The following SOCS5 variants were observed in gnomAD, a reference collection of about 807,000 sequenced individuals.
The protein encoded by SOCS5 is CIS-6.
A neutral mutation model predicts 42.8 loss-of-function variants in SOCS5; 32 were observed. The ratio of observed to expected loss-of-function variants is 0.75; its 90% CI spans 0.56 to 1.01. SOCS5 has a LOEUF of 1.01. SOCS5 is among the 50% of genes least tolerant of loss of function. The pLI, the probability that SOCS5 is intolerant of heterozygous loss-of-function variation, is 0.00. For synonymous variants in SOCS5, 283 were observed against 229.6 expected (o/e 1.23, Z -2.10); for missense variants, 627 against 653.0 (o/e 0.96, Z 0.43).
In SOCS5 at chr2:46,733,581, G is replaced by GA. The variant is rs78296105; in HGVS notation, c.-12-24923dup. ...GAGACCCTGTCTCAAAAAAAAAAAA[G>GA]AAAAAAAAAAAAAAAGGAATAACCA... On this transcript the variant is annotated intron_variant, in intron 1 of 1. Coordinates refer to ENST00000394861, the MANE Select transcript of SOCS5 (RefSeq NM_144949.3). 2.5e-3 allele frequency among the ~76,000 whole-genome samples: 234 copies of GA among 91,970 alleles called. 2 individuals carry two copies. Among genetic ancestry groups the GA allele is most frequent in the South Asian group, 0.02 (55 of 2,730 alleles). 60.3% of individuals were successfully genotyped at this position (91,970 alleles called of 152,430 possible).
At position 46,759,751 on chromosome 2, in the gene SOCS5, C is replaced by G. The variant is rs780141777; in HGVS notation, c.1221C>G (p.Asp407Glu). 1.2e-6 allele frequency: 2 copies of G among 1,614,154 alleles called. No homozygotes were observed. Among genetic ancestry groups the G allele is most frequent in the Admixed American group, 3.3e-5 (2 of 60,022 alleles). Residue 407 changes from aspartate (D) to glutamate (E), a missense_variant, in exon 2 of 2, where the codon GAC becomes GAG. Transcript: ENST00000394861. Reference protein sequence around the residue: ...GKPEGTFLLRDSAQEDYLFSV... With the variant: ...GKPEGTFLLRESAQEDYLFSV... ...CTGAAGGCACGTTTTTGCTCAGGGACTCTGCGCAAGAGGACTACCTCTTCT... is the reference window on the plus strand; with the variant it reads ...CTGAAGGCACGTTTTTGCTCAGGGAGTCTGCGCAAGAGGACTACCTCTTCT...
chr2:46,758,480 G>T, intron 1 of SOCS5, 39 bp from the exon 2 acceptor site: 1 of 1,416,802 alleles, frequency 7.1e-7, no homozygotes, highest in South Asian at 1.4e-5. Context: ...ATGCTACTTT[G>T]ATTAATTTAT....
chr2:46,712,947 G>A (rs1057075495), intron 1 of SOCS5, among the ~76,000 whole-genome samples: 53 of 152,136 alleles, frequency 3.5e-4, no homozygotes, highest in African/African-American at 1.2e-3. Context: ...TTGTGGAAGA[G>A]TTTGGATAAA....
chr2:46,742,344 AC>A (rs1010653835), intron 1 of SOCS5, among the ~76,000 whole-genome samples: 4 of 69,252 alleles, frequency 5.8e-5, no homozygotes, highest in Non-Finnish European at 1.2e-4. Flanking sequence ...CCATACCCCC[AC>A]CCCCACCCCC....
At chr2:46,752,379 C>T (rs1673642584) in intron 1 of SOCS5, among the ~76,000 whole-genome samples, 1 of 151,988 alleles carries the variant, frequency 6.6e-6, no homozygotes, top group Admixed American at 6.6e-5. Flanking sequence ...GTCCCTGGTG[C>T]CAAAAAGGTT....
chr2:46,722,343 T>G (rs1214957273), intron 1 of SOCS5, among the ~76,000 whole-genome samples: 1 of 152,008 alleles, frequency 6.6e-6, no homozygotes, highest in Non-Finnish European at 1.5e-5. Flanking sequence ...GAAAAAAATC[T>G]GTCAACCACG....
chr2:46,760,314 T>C lies in SOCS5; in HGVS notation c.*173T>C, dbSNP rs547615073. 6.6e-6 allele frequency: 4 copies of C among 604,102 alleles called. No individual in the cohort carries two copies. The highest frequency in any genetic ancestry group is 1.2e-5 in the Non-Finnish European group (4 of 334,708). 37.4% of individuals were successfully genotyped at this position (604,102 alleles called of 1,614,324 possible). A position where few individuals can be genotyped will look rare whatever the true frequency, so the allele number is the denominator to read the frequency against. On this transcript the variant is annotated 3_prime_UTR_variant, in exon 2 of 2. Transcript: ENST00000394861. The stretch of plus-strand genomic sequence containing the variant: ...CTTATTCAGATAAACATGGTGCCTA[T>C]TGGAACAATAGCGGATAGAGCTACA...
chr2:46,724,708 A>G (rs1375637062), intron 1 of SOCS5, among the ~76,000 whole-genome samples: 1 of 151,910 alleles, frequency 6.6e-6, no homozygotes, highest in Non-Finnish European at 1.5e-5. Context: ...ATTTAGGTTC[A>G]TTATGGTCAA....
intron 1 of SOCS5, among the ~76,000 whole-genome samples, chr2:46,753,312 A>G (rs543160052): frequency 6.6e-6 from 1 of 152,262 alleles, no homozygotes; most frequent in South Asian, 2.1e-4. Context: ...TGTTATCTTT[A>G]GGACTTTGTT....
chr2:46,737,886 C>G (rs1489572031), intron 1 of SOCS5, among the ~76,000 whole-genome samples: 3 of 151,868 alleles, frequency 2.0e-5, no homozygotes, highest in Admixed American at 2.0e-4. Flanking sequence ...ATGTAAATTT[C>G]CATCCCTCTC....
chr2:46,700,739 A>G (rs746615329), intron 1 of SOCS5, among the ~76,000 whole-genome samples: 14 of 152,206 alleles, frequency 9.2e-5, no homozygotes, highest in Non-Finnish European at 1.6e-4. Context: ...TCTTGAGAAC[A>G]TAGAAAATGC....
chr2:46,733,180 C>A (rs189758915), intron 1 of SOCS5, among the ~76,000 whole-genome samples: 1 of 151,994 alleles, frequency 6.6e-6, no homozygotes, highest in East Asian at 1.9e-4. Context: ...CTGCCATCTC[C>A]GCCTCCCGGG....
At chr2:46,709,000 C>T (rs890470006) in intron 1 of SOCS5, among the ~76,000 whole-genome samples, 2 of 150,952 alleles carry the variant, frequency 1.3e-5, no homozygotes, top group Non-Finnish European at 2.9e-5. Context: ...GATTCTCCTG[C>T]CTCAGCCTCC....
rs1376831548 is a variant in SOCS5 at position 46,760,186 on chromosome 2, G to A, written c.*45G>A. On this transcript the variant is annotated 3_prime_UTR_variant, in exon 2 of 2. Coordinates refer to ENST00000394861, the MANE Select transcript of SOCS5 (RefSeq NM_144949.3). ...TTGTTAACTAGGTCCGCTTTCATGT[G>A]CATCAGACAGTACACCTATAGCAAG... 4 of 1,401,588 alleles carry A rather than the reference G, an allele frequency of 2.9e-6. No homozygotes were observed. Among genetic ancestry groups the A allele is most frequent in the African/African-American group, 1.4e-5 (1 of 69,820 alleles). 86.8% of individuals were successfully genotyped at this position (1,401,588 alleles called of 1,614,324 possible). A position where few individuals can be genotyped will look rare whatever the true frequency, so the allele number is the denominator to read the frequency against.
At chr2:46,756,943 C>T (rs555338085) in intron 1 of SOCS5, among the ~76,000 whole-genome samples, 1 of 152,210 alleles carries the variant, frequency 6.6e-6, no homozygotes, top group Non-Finnish European at 1.5e-5. Flanking sequence ...CTAAAATAGA[C>T]TTTACTGAGA....
At chr2:46,703,856 G>A (rs1367329551) in intron 1 of SOCS5, among the ~76,000 whole-genome samples, 2 of 152,152 alleles carry the variant, frequency 1.3e-5, no homozygotes, top group Non-Finnish European at 2.9e-5. Flanking sequence ...GGGGAGTGGG[G>A]AGGGCTTTTG....
rs1272697261 is a variant in SOCS5, at chr2:46,762,018, ATTT to A, written c.*1878_*1880del. On this transcript the variant is annotated 3_prime_UTR_variant, in exon 2 of 2. Transcript: ENST00000394861. ...TGTGAATTTGTAATAGATCAGTACC[ATTT>A]ATTGGTTTGGGGACCATCTTAATTA... The A allele has an allele frequency of 6.0e-6, 1 of 167,038 alleles. No homozygotes were observed. Among genetic ancestry groups the A allele is most frequent in the African/African-American group, 2.4e-5 (1 of 41,464 alleles). The allele number at this position is 167,038 out of a possible 1,614,324, so 10.3% of individuals were successfully genotyped here. A position where few individuals can be genotyped will look rare whatever the true frequency, so the allele number is the denominator to read the frequency against.
intron 1 of SOCS5, among the ~76,000 whole-genome samples, chr2:46,727,529 C>T (rs780399447): frequency 6.6e-6 from 1 of 152,174 alleles, no homozygotes; most frequent in East Asian, 1.9e-4. Flanking sequence ...TTGGGTTCAA[C>T]CTTCAAGTTG....
chr2:46,709,915 A>G (rs186478001), intron 1 of SOCS5, among the ~76,000 whole-genome samples: 2 of 152,296 alleles, frequency 1.3e-5, no homozygotes, highest in East Asian at 1.9e-4. Flanking sequence ...TATAACAGCA[A>G]TTCTTAAACT....
Sources: allele counts gnomAD v4.1 joint callset (sites outside exome capture counted in the v4.1 genomes callset), GRCh38; gene constraint gnomAD v4.1.1; transcripts MANE v1.5; gene names NCBI Gene and HGNC (gene_info 2026-07-23, HGNC 2026-07-21).